Variants in OTOF observed in about 807,000 individuals in gnomAD.
OTOF encodes otoferlin.
Under a neutral mutation model 236.8 loss-of-function variants are expected in OTOF, and 218 were observed. The ratio of observed to expected loss-of-function variants is 0.92; its 90% confidence interval spans 0.82 to 1.03. OTOF has a LOEUF of 1.03. Among genes scored for constraint, OTOF ranks in the 50% least tolerant of loss-of-function variants. OTOF has a pLI of 0.00. For missense variants in OTOF, 2,590 were observed against 2,694.4 expected (o/e 0.96, Z 0.86); for synonymous variants, 1,041 against 1,072.5 (o/e 0.97, Z 0.57).
chr2:26,512,170 T>C (rs781363050), intron 5 of OTOF, among the ~76,000 whole-genome samples: 2 of 151,360 alleles, frequency 1.3e-5, no homozygotes, highest in Non-Finnish European at 2.9e-5. Flanking sequence ...GAGGTGGGGG[T>C]CGTGGAGGGC....
Position 26,465,830 on chromosome 2 carries a change from G to C in OTOF, c.4641C>G (p.Ile1547Met), listed in dbSNP as rs145770014. 8 of 1,614,122 alleles carry C rather than the reference G, an allele frequency of 5.0e-6. No individual in the cohort carries two copies. The African/African-American group carries it at 9.3e-5, about 19-fold the overall frequency. ...LNPVFGKSFD[I>M]EASFPMESML... ...TGGATTCCATGGGGAAGGAGGCCTC[G>C]ATGTCAAAGGACCTGGTGGGGTGGA... Residue 1547 changes from isoleucine (I) to methionine (M), a missense_variant, in exon 38 of 47, where the codon ATC becomes ATG. Ile to Met is a conservative substitution (Grantham distance 10). This residue lies in a region of OTOF where 1,211 missense variants were observed against 1,352.8 expected (regional missense o/e 0.90). Coordinates refer to ENST00000272371, the MANE Select transcript of OTOF (RefSeq NM_194248.3).
At chr2:26,488,695 C>A (rs894684462) in intron 11 of OTOF, among the ~76,000 whole-genome samples, 2 of 152,242 alleles carry the variant, frequency 1.3e-5, no homozygotes, top group African/African-American at 2.4e-5. Context: ...CTGACTTCAC[C>A]CCCGGCCAGC....
chr2:26,527,897 G>T lies in OTOF; in HGVS notation c.162C>A (p.Ser54Arg), dbSNP rs1446661227. ...FDETFRWPVA[S>R]SIDRNEMLEI... ...CCAGCATCTCATTTCTGTCGATGCT[G>T]CTGGCCACCGGCCACCGAAATGTCT... is the stretch of plus-strand genomic sequence containing the variant. The change falls in exon 3 of 47, where the codon AGC becomes AGA. Residue 54 changes from serine to arginine, a missense_variant. Physicochemically the swap from Ser to Arg is moderately radical, Grantham distance 110. Around this residue, in one of 2 missense-constraint regions of OTOF, gnomAD observed 1,379 missense variants for 1,341.6 expected, o/e 1.03. Coordinates refer to ENST00000272371, the MANE Select transcript of OTOF (RefSeq NM_194248.3). 1.9e-6 allele frequency: 3 copies of T among 1,613,912 alleles called. No homozygotes were observed. Among genetic ancestry groups the T allele is most frequent in the Non-Finnish European group, 2.5e-6 (3 of 1,179,906 alleles).
intron 1 of OTOF, among the ~76,000 whole-genome samples, chr2:26,544,917 T>C (rs1490123795): frequency 2.0e-5 from 3 of 151,886 alleles, no homozygotes; most frequent in Non-Finnish European, 4.4e-5. Flanking sequence ...GGTGCGAACC[T>C]GTAGTCCCAG....
chr2:26,467,692 C>T (rs993880989), intron 33 of OTOF, among the ~76,000 whole-genome samples, 191 bp from the exon 34 acceptor site: 3 of 152,166 alleles, frequency 2.0e-5, no homozygotes, highest in African/African-American at 4.8e-5. Context: ...GGTTTATGCC[C>T]GGGAAGGTGT....
At chr2:26,502,221 C>A in intron 7 of OTOF, 79 bp downstream of exon 7, 1 of 1,522,364 alleles carries the variant, frequency 6.6e-7, no homozygotes, top group East Asian at 2.3e-5. Flanking sequence ...TCTTCCCTAC[C>A]CAAATTCCAA....
intron 12 of OTOF, 84 bp from the exon 13 acceptor site, chr2:26,483,732 G>A (rs1665627994): frequency 2.4e-6 from 3 of 1,254,210 alleles, no homozygotes. Context: ...CCTGGGTCCT[G>A]GCACAGTCTC....
chr2:26,462,417 C>T lies in OTOF; in HGVS notation c.5193-236G>A, dbSNP rs1232526919. 6.6e-6 allele frequency among the ~76,000 whole-genome samples: 1 copy of T among 152,188 alleles called. No homozygotes were observed. Among genetic ancestry groups the T allele is most frequent in the African/African-American group, 2.4e-5 (1 of 41,432 alleles). ...GGTGGGGTGAGGGGAGGAAGCCACC[C>T]TCTGTCTCAGATGCTAGTTCCAAGA... On this transcript the variant is annotated intron_variant, in intron 41 of 46. Coordinates refer to ENST00000272371, the MANE Select transcript of OTOF (RefSeq NM_194248.3). The surrounding 1 kb of genome is among the most constrained non-coding windows in gnomAD (Gnocchi z 4.7).
intron 2 of OTOF, among the ~76,000 whole-genome samples, chr2:26,533,920 C>G (rs1043101120): frequency 6.6e-6 from 1 of 152,036 alleles, no homozygotes; most frequent in Non-Finnish European, 1.5e-5. Flanking sequence ...GCAGATAAGG[C>G]CAAACTCCCC....
At chr2:26,530,634 C>G (rs1344394189) in intron 2 of OTOF, among the ~76,000 whole-genome samples, 1 of 152,156 alleles carries the variant, frequency 6.6e-6, no homozygotes, top group Non-Finnish European at 1.5e-5. Flanking sequence ...GCTTTCCCCT[C>G]ATTTCTTTTC....
chr2:26,531,585 C>T (rs1377579409), intron 2 of OTOF, among the ~76,000 whole-genome samples: 2 of 152,220 alleles, frequency 1.3e-5, no homozygotes, highest in Non-Finnish European at 2.9e-5. Flanking sequence ...CATCACTTTC[C>T]TCTTCTGCCT....
intron 18 of OTOF, among the ~76,000 whole-genome samples, chr2:26,478,269 C>A (rs1665414914): frequency 6.6e-6 from 1 of 152,196 alleles, no homozygotes; most frequent in African/African-American, 2.4e-5. Context: ...GGAAGCCTTG[C>A]AGATAACTGC....
At chr2:26,522,157 G>A (rs1021738936) in intron 3 of OTOF, among the ~76,000 whole-genome samples, 3 of 152,206 alleles carry the variant, frequency 2.0e-5, no homozygotes, top group South Asian at 4.1e-4. Context: ...ACCTCCAAGA[G>A]TGGCTTGGGG....
intron 9 of OTOF, among the ~76,000 whole-genome samples, chr2:26,491,276 T>C (rs1665835012): frequency 6.6e-6 from 1 of 152,038 alleles, no homozygotes; most frequent in Non-Finnish European, 1.5e-5. Flanking sequence ...GAGAGCAGTG[T>C]CAATGACATC....
chr2:26,489,010 G>A lies in OTOF; in HGVS notation c.1045+201C>T, dbSNP rs567198473. 3.3e-5 allele frequency among the ~76,000 whole-genome samples: 5 copies of A among 152,326 alleles called. No individual in the cohort carries two copies. In the East Asian group the frequency reaches 9.6e-4, roughly 29 times the overall value. On this transcript the variant is annotated intron_variant, in intron 11 of 46. Coordinates refer to ENST00000272371, the MANE Select transcript of OTOF (RefSeq NM_194248.3). ...TTATGAGTGAGAACCCACCAGACTG[G>A]GTGCGCAGTTGCTCACTGCATTTGT... is the stretch of plus-strand genomic sequence containing the variant.
chr2:26,539,942 T>A (rs985150219), intron 1 of OTOF, among the ~76,000 whole-genome samples: 1 of 152,154 alleles, frequency 6.6e-6, no homozygotes, highest in Non-Finnish European at 1.5e-5. Context: ...ACACCCTTTT[T>A]GTTTGTCTTG....
At chr2:26,475,814 GC>G in intron 24 of OTOF, 99 bp downstream of exon 24, 1 of 1,457,124 alleles carries the variant, frequency 6.9e-7, no homozygotes, top group Non-Finnish European at 9.3e-7. Flanking sequence ...GTGGCTCCAG[GC>G]CCCACAGGCT....
chr2:26,523,119 C>G (rs973918796), intron 3 of OTOF, among the ~76,000 whole-genome samples: 2 of 152,260 alleles, frequency 1.3e-5, no homozygotes, highest in Non-Finnish European at 2.9e-5. Flanking sequence ...TCCTGCTGTC[C>G]TGGCTCCTGA....
intron 2 of OTOF, among the ~76,000 whole-genome samples, chr2:26,528,501 C>T (rs190493854): frequency 1.2e-4 from 18 of 152,350 alleles, no homozygotes; most frequent in African/African-American, 4.3e-4. Context: ...TTATTGGGGT[C>T]AGGCCCACAG....
Sources: allele counts gnomAD v4.1 joint callset (sites outside exome capture counted in the v4.1 genomes callset), GRCh38; gene constraint gnomAD v4.1.1; regional missense constraint gnomAD v4.1.1; non-coding constraint Gnocchi (gnomAD v3.1); transcripts MANE v1.5; gene names NCBI Gene and HGNC (gene_info 2026-07-23, HGNC 2026-07-21).